POLRMT: variants seen among roughly 807,000 people sequenced by gnomAD.
POLRMT encodes DNA-directed RNA polymerase, mitochondrial.
A neutral mutation model predicts 132.2 loss-of-function variants in POLRMT; 114 were observed. The observed-to-expected ratio is 0.86, with a 90% CI of 0.74 to 1.01. POLRMT has a LOEUF of 1.01. POLRMT is among the 50% of genes least tolerant of loss of function. The probability of loss-of-function intolerance (pLI) is 0.00; values close to 1 mark genes in which losing one functional copy is unlikely to be tolerated. For synonymous variants in POLRMT, 1,020 were observed against 773.4 expected (o/e 1.32, Z -5.29); for missense variants, 2,003 against 1,729.1 (o/e 1.16, Z -2.81).
At chr19:621,025 G>C in intron 10 of POLRMT, 33 bp downstream of exon 10, 5 of 1,531,270 alleles carry the variant, frequency 3.3e-6, no homozygotes, top group Non-Finnish European at 4.4e-6. Flanking sequence ...GGGGGTGCCG[G>C]GAGGGCGGGG....
chr19:627,148 ATTTTTT>A (rs869110035), intron 3 of POLRMT, among the ~76,000 whole-genome samples: 2 of 119,772 alleles, frequency 1.7e-5, no homozygotes, highest in African/African-American at 3.3e-5. Flanking sequence ...GTTTTGGGGC[ATTTTTT>A]TTTTTTTTTT....
rs1421386105 is a variant in POLRMT at position 619,196 on chromosome 19, A to G, written c.3153+14T>C. On this transcript the variant is annotated intron_variant, in intron 14 of 20. Coordinates refer to ENST00000588649, the MANE Select transcript of POLRMT (RefSeq NM_005035.4). ...TAGGGAGTCCTGGCCGAGCGGGGAC[A>G]GGACAGGACGTACCTGGATGGCCCG... 5 of 1,611,012 alleles carry G rather than the reference A, an allele frequency of 3.1e-6. No homozygotes were observed. The South Asian group carries it at 3.3e-5, about 11-fold the overall frequency.
intron 2 of POLRMT, among the ~76,000 whole-genome samples, chr19:632,098 C>A (rs141877168): frequency 6.7e-6 from 1 of 148,836 alleles, no homozygotes; most frequent in Non-Finnish European, 1.5e-5. Flanking sequence ...CTTGATCCGC[C>A]CACCTTGGCC....
Position 619,947 on chromosome 19 carries a change from G to A in POLRMT, c.2886+11C>T. On this transcript the variant is annotated intron_variant, in intron 12 of 20. Coordinates refer to ENST00000588649, the MANE Select transcript of POLRMT (RefSeq NM_005035.4). ...CGCCGAGATGCCCCCGGGCAGCAGG[G>A]CACACCCTACCTGCGCGGCCACGCC... The A allele has an allele frequency of 2.5e-6, 4 of 1,601,654 alleles. No homozygotes were observed. Among genetic ancestry groups the A allele is most frequent in the Non-Finnish European group, 1.7e-6 (2 of 1,178,146 alleles).
chr19:626,307 A>C (rs1312978783), intron 3 of POLRMT, among the ~76,000 whole-genome samples: 1 of 151,190 alleles, frequency 6.6e-6, no homozygotes, highest in Non-Finnish European at 1.5e-5. Flanking sequence ...ACATGCCACC[A>C]CACCCAGCTA....
chr19:623,365 G>C, intron 6 of POLRMT, 89 bp downstream of exon 6: 1 of 1,541,598 alleles, frequency 6.5e-7, no homozygotes, highest in Non-Finnish European at 8.7e-7. Flanking sequence ...CCCTGCGGCG[G>C]ACACGGGACC....
chr19:621,814 C>A lies in POLRMT; in HGVS notation c.1884G>T (p.Val628=), dbSNP rs779505004. ...IGILKPHPAY[V]QLLEKAAEPT... ...GCTCCGCGGCCTTCTCCAGCAGCTGCACGTAGGCCGGGTGCGGCTTCAGGA... is the reference window on the plus strand; with the variant it reads ...GCTCCGCGGCCTTCTCCAGCAGCTGAACGTAGGCCGGGTGCGGCTTCAGGA... Residue 628 remains valine, a synonymous_variant, in exon 10 of 21, where the codon GTG becomes GTT. Coordinates refer to ENST00000588649, the MANE Select transcript of POLRMT (RefSeq NM_005035.4). 6.2e-7 allele frequency: 1 copy of A among 1,602,626 alleles called. No homozygotes were observed. Among genetic ancestry groups the A allele is most frequent in the Non-Finnish European group, 8.5e-7 (1 of 1,179,848 alleles).
chr19:617,401 G>A lies in POLRMT; in HGVS notation c.3643+18C>T, dbSNP rs1984057755. 1.2e-6 allele frequency: 2 copies of A among 1,612,230 alleles called. No homozygotes were observed. The highest frequency in any genetic ancestry group is 2.7e-5 in the African/African-American group (2 of 74,914). ...CCCGCAGTTCGAGCCACCCTTGCGA[G>A]GCTGCCCACCCGCCTACCTGGCTTG... On this transcript the variant is annotated intron_variant, in intron 20 of 20. Coordinates refer to ENST00000588649, the MANE Select transcript of POLRMT (RefSeq NM_005035.4).
At chr19:622,113 G>A in intron 9 of POLRMT, 36 bp downstream of exon 9, 1 of 1,500,886 alleles carries the variant, frequency 6.7e-7, no homozygotes, top group Admixed American at 2.0e-5. Context: ...CCTCCCAGCG[G>A]GATGCCCCCC....
At chr19:628,970 C>A (rs1475348867) in intron 3 of POLRMT, among the ~76,000 whole-genome samples, 1 of 152,172 alleles carries the variant, frequency 6.6e-6, no homozygotes, top group African/African-American at 2.4e-5. Context: ...CACCACCGCA[C>A]TCCAACCTAG....
At position 622,978 on chromosome 19, in the gene POLRMT, G is replaced by T. The variant is rs144435085; in HGVS notation, c.1298C>A (p.Thr433Asn). 8.5e-5 allele frequency: 137 copies of T among 1,612,364 alleles called. No homozygotes were observed. Among genetic ancestry groups the T allele is most frequent in the Non-Finnish European group, 1.1e-4 (135 of 1,179,732 alleles). ...PSKEVKHARK[T>N]LKTLRDQWEK... ...CCATTGGTCCCGCAGGGTCTTCAGG[G>T]TCTTCCGCTGCGGGGGATGAACGGG... The change falls in exon 7 of 21, where the codon ACC (threonine) becomes AAC (asparagine). Residue 433 changes from threonine to asparagine, a missense_variant. Transcript: ENST00000588649.
At chr19:624,095 G>A (rs1034243636) in intron 5 of POLRMT, among the ~76,000 whole-genome samples, 13 of 152,348 alleles carry the variant, frequency 8.5e-5, no homozygotes, top group South Asian at 2.1e-4. Flanking sequence ...TCCCATAAAC[G>A]GACGAACAGA....
rs770097068 is a variant in POLRMT, at chr19:624,725, A to G, written c.1134T>C (p.Tyr378=). The change falls in exon 5 of 21, where the codon TAT becomes TAC. Residue 378 remains tyrosine (Y), a synonymous_variant. Coordinates refer to ENST00000588649, the MANE Select transcript of POLRMT (RefSeq NM_005035.4). ...GGGGCCCACGTGGGCTCACCTTGGC[A>G]TACACGTCCCTGAGCAGCTTGGAGG... The part of the protein sequence containing the change: ...VNTSKLLRDV[Y]AKDGRVSYPK... 9.9e-6 allele frequency: 16 copies of G among 1,613,126 alleles called. No individual in the cohort carries two copies. The highest frequency in any genetic ancestry group is 1.3e-5 in the Non-Finnish European group (15 of 1,179,578).
chr19:622,863 C>A lies in POLRMT; in HGVS notation c.1413G>T (p.Leu471=). ...CCACCTCGCGCTCGTCCAGCAGGCA[C>A]AGGAAGGGGTAAAGTGAGAACCGGC... ...YEGRFSLYPF[L]CLLDEREVVR... The change falls in exon 7 of 21, where the codon CTG becomes CTT. Residue 471 remains leucine (L), a synonymous_variant. Transcript: ENST00000588649. 1.2e-6 allele frequency: 2 copies of A among 1,608,380 alleles called. No individual in the cohort carries two copies. Among genetic ancestry groups the A allele is most frequent in the Non-Finnish European group, 1.7e-6 (2 of 1,178,052 alleles).
chr19:617,801 T>C lies in POLRMT; in HGVS notation c.3471A>G (p.Ala1157=), dbSNP rs745682275. 5.6e-6 allele frequency: 9 copies of C among 1,613,212 alleles called. No homozygotes were observed. Among genetic ancestry groups the C allele is most frequent in the Non-Finnish European group, 5.9e-6 (7 of 1,179,910 alleles). Residue 1157 remains alanine (A), a synonymous_variant, in exon 18 of 21, where the codon GCA becomes GCG. Transcript: ENST00000588649. ...VSVHDCYWTH[A]ADVSVMNQVC... is the part of the protein sequence containing the mutation. The stretch of plus-strand genomic sequence containing the variant: ...CCTGGTTCATGACGGAGACATCAGC[T>C]GCGTGAGTCCAGTAACAGTCGTGCA...
intron 12 of POLRMT, 65 bp downstream of exon 12, chr19:619,893 G>A (rs1984368716): frequency 5.7e-6 from 9 of 1,592,734 alleles, no homozygotes; most frequent in Non-Finnish European, 1.7e-6. Context: ...GGCACCTGGG[G>A]CCGAGACTCA....
At chr19:620,244 G>A (rs370164046) in intron 11 of POLRMT, 121 bp downstream of exon 11, 43 of 1,452,124 alleles carry the variant, frequency 3.0e-5, no homozygotes, top group Admixed American at 1.7e-4. Context: ...CATGGCTCCC[G>A]CACACTCTAG....
Position 617,813 on chromosome 19 carries a change from G to GT in POLRMT, c.3458dup (p.Tyr1153Ter), listed in dbSNP as rs1568373263. ...CGGAGACATCAGCTGCGTGAGTCCA[G>GT]TAACAGTCGTGCACAGAGACGAAGG... The part of the protein sequence containing the change: ...GLTFVSVHDC[Y>*]WTHAADVSVM... Residue 1153 changes from tyrosine (Y) to a stop codon, truncating the protein, a stop_gained and frameshift_variant, in exon 18 of 21, where the codon TAC becomes TAAC. Transcript: ENST00000588649. LOFTEE classifies it high-confidence loss of function. The GT allele has an allele frequency of 3.1e-6, 5 of 1,613,362 alleles. No individual in the cohort carries two copies. Among genetic ancestry groups the GT allele is most frequent in the African/African-American group, 1.3e-5 (1 of 75,016 alleles).
At position 621,838 on chromosome 19, in the gene POLRMT, G is replaced by A. The variant is rs762903237; in HGVS notation, c.1860C>T (p.Ile620=). 1.9e-6 allele frequency: 3 copies of A among 1,602,122 alleles called. No individual in the cohort carries two copies. The highest frequency in any genetic ancestry group is 2.2e-5 in the South Asian group (2 of 91,078). ...YSFRNVQQIG[I]LKPHPAYVQL... ...GCACGTAGGCCGGGTGCGGCTTCAG[G>A]ATGCCGATCTGGGGTGCGACAGGCA... Residue 620 remains isoleucine, a synonymous_variant, in exon 10 of 21, where the codon ATC becomes ATT. Coordinates refer to ENST00000588649, the MANE Select transcript of POLRMT (RefSeq NM_005035.4).
Sources: allele counts gnomAD v4.1 joint callset (sites outside exome capture counted in the v4.1 genomes callset), GRCh38; gene constraint gnomAD v4.1.1; transcripts MANE v1.5; gene names NCBI Gene and HGNC (gene_info 2026-07-23, HGNC 2026-07-21).